SLC10A1: variants seen among roughly 807,000 people sequenced by gnomAD.
The protein encoded by SLC10A1 is solute carrier family 10 member 1.
Under a neutral mutation model 20.5 loss-of-function variants are expected in SLC10A1, and 36 were observed. The observed-to-expected ratio is 1.75, with a 90% CI of 1.34 to 2.32. The LOEUF is 2.32. SLC10A1 is among the 30% of genes most tolerant of loss of function. SLC10A1 has a pLI of 0.00. For missense variants in SLC10A1, 545 were observed against 439.1 expected, an observed-to-expected ratio of 1.24 and a Z score of -2.16; for synonymous variants, 188 against 163.6, an observed-to-expected ratio of 1.15 and a Z score of -1.14.
chr14:69,778,261 A>G (rs1883495266), intron 4 of SLC10A1, 72 bp downstream of exon 4: 3 of 1,336,172 alleles, frequency 2.2e-6, no homozygotes, highest in Admixed American at 4.6e-5. Flanking sequence ...TCCCTGCTAG[A>G]AACTTGCTTG....
At chr14:69,791,161 A>G (rs1405648350) in intron 1 of SLC10A1, among the ~76,000 whole-genome samples, 1 of 152,210 alleles carries the variant, frequency 6.6e-6, no homozygotes, top group Non-Finnish European at 1.5e-5. Flanking sequence ...GGAAGATTCA[A>G]TATTATAAAG....
intron 4 of SLC10A1, among the ~76,000 whole-genome samples, chr14:69,777,578 G>GTTTTTTTTTTTTTTTT (rs4646293): frequency 1.4e-5 from 1 of 72,448 alleles, no homozygotes; most frequent in African/African-American, 5.2e-5. Flanking sequence ...TGAATGTCCT[G>GTTTTTTTTTTTTTTTT]TTTTTTTTTT....
rs147301272 is a variant in SLC10A1 at position 69,790,323 on chromosome 14, A to G, written c.357-4016T>C. On this transcript the variant is annotated intron_variant, in intron 1 of 4. Transcript: ENST00000216540. ...TCCAGATAATATAAAAAGGGGAAACATGCCCTAATTTATTGTATAAAGTTA... is the reference window on the plus strand; with the variant it reads ...TCCAGATAATATAAAAAGGGGAAACGTGCCCTAATTTATTGTATAAAGTTA... 5.2e-3 allele frequency among the ~76,000 whole-genome samples: 790 copies of G among 152,280 alleles called. 6 individuals carry two copies. Among genetic ancestry groups the G allele is most frequent in the African/African-American group, 0.018 (758 of 41,576 alleles).
chr14:69,779,917 G>C (rs1369907197), intron 2 of SLC10A1, among the ~76,000 whole-genome samples: 1 of 152,176 alleles, frequency 6.6e-6, no homozygotes, highest in Non-Finnish European at 1.5e-5. Flanking sequence ...AAACTCATGA[G>C]AACTTGTCAT....
At chr14:69,792,846 AAAAAGC>A (rs1346145495) in intron 1 of SLC10A1, among the ~76,000 whole-genome samples, 1 of 152,198 alleles carries the variant, frequency 6.6e-6, no homozygotes, top group Non-Finnish European at 1.5e-5. Flanking sequence ...AAAAAAAAAA[AAAAAGC>A]AAGCTGTTAG....
chr14:69,787,276 T>C (rs1302650906), intron 1 of SLC10A1, among the ~76,000 whole-genome samples: 3 of 152,236 alleles, frequency 2.0e-5, no homozygotes, highest in Non-Finnish European at 4.4e-5. Flanking sequence ...TTTGGAATCT[T>C]ATATATGTTA....
Position 69,778,368 on chromosome 14 carries a change from A to G in SLC10A1, c.908T>C (p.Ile303Thr), listed in dbSNP as rs374736609. ...CTTGAATTTCTCATAGCACCAAAATATGGCAATGAGGAGAAGCCCTTCTCC... is the reference window on the plus strand; with the variant it reads ...CTTGAATTTCTCATAGCACCAAAATGTGGCAATGAGGAGAAGCCCTTCTCC... ...QLGEGLLLIA[I>T]FWCYEKFKTP... Residue 303 changes from isoleucine (I) to threonine (T), a missense_variant, in exon 4 of 5, where the codon ATA becomes ACA. Transcript: ENST00000216540. 5 of 1,611,392 alleles carry G rather than the reference A, an allele frequency of 3.1e-6. No homozygotes were observed. The African/African-American group carries it at 5.4e-5, about 17-fold the overall frequency.
In SLC10A1 at chr14:69,785,292, T is replaced by G. The variant is rs1432368125; in HGVS notation, c.567+805A>C. 5.3e-5 allele frequency among the ~76,000 whole-genome samples: 8 copies of G among 152,220 alleles called. No homozygotes were observed. The East Asian group carries it at 1.5e-3, about 29-fold the overall frequency. On this transcript the variant is annotated intron_variant, in intron 2 of 4. Coordinates refer to ENST00000216540, the MANE Select transcript of SLC10A1 (RefSeq NM_003049.4). ...TGACCACAGTGCTTCTCAAAACCTT[T>G]GTGGCCTTAATTCACTCCACTTCCC...
intron 2 of SLC10A1, among the ~76,000 whole-genome samples, chr14:69,782,325 C>A (rs1883611302): frequency 6.6e-6 from 1 of 152,178 alleles, no homozygotes; most frequent in Admixed American, 6.5e-5. Context: ...TTTTAATGTT[C>A]TCTGGCTTCA....
intron 2 of SLC10A1, 42 bp downstream of exon 2, chr14:69,786,055 T>G (rs1160700257): frequency 7.0e-7 from 1 of 1,426,284 alleles, no homozygotes; most frequent in Admixed American, 1.7e-5. Context: ...TATGGTGTTT[T>G]TACTCTTTTG....
At chr14:69,792,611 A>G (rs1331045263) in intron 1 of SLC10A1, among the ~76,000 whole-genome samples, 2 of 152,216 alleles carry the variant, frequency 1.3e-5, no homozygotes, top group South Asian at 4.1e-4. Flanking sequence ...GAAGTGAACA[A>G]TGACCTTGGA....
intron 1 of SLC10A1, among the ~76,000 whole-genome samples, chr14:69,790,170 A>G (rs528515504): frequency 3.9e-4 from 59 of 152,172 alleles, no homozygotes; most frequent in Middle Eastern, 3.2e-3. Context: ...TTCAACTTAG[A>G]ATCATTTAAG....
In SLC10A1 at chr14:69,796,879, T is replaced by C. The variant is rs200105842; in HGVS notation, c.277A>G (p.Ile93Val). The C allele has an allele frequency of 1.5e-4, 237 of 1,614,228 alleles. 3 individuals carry two copies. The South Asian group carries it at 2.5e-3, about 17-fold the overall frequency. ...FRLKNIEALAILVCGCSPGGN... is the reference protein window; with the variant it reads ...FRLKNIEALAVLVCGCSPGGN... ...CCAGGTGAGCAGCCACAGACCAAGATGGCCAGTGCCTCAATGTTCTTCAGC... is the reference window on the plus strand; with the variant it reads ...CCAGGTGAGCAGCCACAGACCAAGACGGCCAGTGCCTCAATGTTCTTCAGC... Residue 93 changes from isoleucine to valine, a missense_variant, in exon 1 of 5, where the codon ATC becomes GTC. Physicochemically the swap from Ile to Val is conservative, Grantham distance 29. Coordinates refer to ENST00000216540, the MANE Select transcript of SLC10A1 (RefSeq NM_003049.4).
chr14:69,780,702 T>G (rs981857749), intron 2 of SLC10A1, among the ~76,000 whole-genome samples: 12 of 152,202 alleles, frequency 7.9e-5, no homozygotes, highest in Non-Finnish European at 1.5e-4. Context: ...AGTGGTCCTA[T>G]CCCAGCATAG....
At chr14:69,789,326 A>G (rs1405802303) in intron 1 of SLC10A1, among the ~76,000 whole-genome samples, 1 of 152,242 alleles carries the variant, frequency 6.6e-6, no homozygotes, top group East Asian at 1.9e-4. Flanking sequence ...AGCTGAATGA[A>G]TGGATGAGCA....
In SLC10A1 at chr14:69,775,890, T is replaced by G. The variant is rs1391974952; in HGVS notation, c.*392A>C. The G allele has an allele frequency of 6.3e-6, 1 of 159,906 alleles. No homozygotes were observed. The highest frequency in any genetic ancestry group is 1.8e-4 in the East Asian group (1 of 5,472). 9.9% of individuals were successfully genotyped at this position (159,906 alleles called of 1,614,324 possible). ...GCACTTGTGAGCATTTATTTCTCTT[T>G]TGGGTCACAAAACTTGGAATGGGAT... is the stretch of plus-strand genomic sequence containing the variant. On this transcript the variant is annotated 3_prime_UTR_variant, in exon 5 of 5. Coordinates refer to ENST00000216540, the MANE Select transcript of SLC10A1 (RefSeq NM_003049.4).
At position 69,779,059 on chromosome 14, in the gene SLC10A1, G is replaced by T. The variant is rs541961393; in HGVS notation, c.746+123C>A. 11 of 681,760 alleles carry T rather than the reference G, an allele frequency of 1.6e-5. No homozygotes were observed. The African/African-American group carries it at 1.8e-4, about 11-fold the overall frequency. The allele number at this position is 681,760 out of a possible 1,614,324, so 42.2% of individuals were successfully genotyped here. The stretch of plus-strand genomic sequence containing the variant: ...GCCTATAGTCCCAGTTACTTGGGGG[G>T]CTGAGGCAGGAGGATCAGTTAAACC... On this transcript the variant is annotated intron_variant, in intron 3 of 4. Coordinates refer to ENST00000216540, the MANE Select transcript of SLC10A1 (RefSeq NM_003049.4).
chr14:69,796,584 G>A (rs960095344), intron 1 of SLC10A1, among the ~76,000 whole-genome samples: 3 of 152,150 alleles, frequency 2.0e-5, no homozygotes, highest in African/African-American at 7.2e-5. Flanking sequence ...GACCAGTATG[G>A]TCCCTTTGGC....
intron 4 of SLC10A1, among the ~76,000 whole-genome samples, chr14:69,777,691 T>C (rs1297989863): frequency 1.3e-5 from 2 of 149,152 alleles, no homozygotes; most frequent in Non-Finnish European, 3.0e-5. Flanking sequence ...AAGGTAATAC[T>C]CTGAGCATTT....
Sources: gnomAD v4.1 joint callset for allele counts (sites outside exome capture counted in the v4.1 genomes callset) on GRCh38, gnomAD v4.1.1 for gene constraint, MANE v1.5 for transcripts, NCBI Gene and HGNC (gene_info 2026-07-23, HGNC 2026-07-21) for gene names.